The following AGAP1 variants were observed in gnomAD, a reference collection of about 807,000 sequenced individuals.
AGAP1 encodes the protein ArfGAP with GTPase domain, ankyrin repeat and PH domain 1.
AGAP1 carries 29 observed loss-of-function variants against 105.3 expected under a neutral mutation model. The observed-to-expected ratio is 0.28, with a 90% confidence interval of 0.21 to 0.38. The LOEUF is 0.38. AGAP1 is among the 10% of genes least tolerant of loss of function. The pLI is 1.00. For missense variants in AGAP1, 998 were observed against 1,165.1 expected (o/e 0.86, Z 2.09); for synonymous variants, 509 against 485.9 (o/e 1.05, Z -0.63).
chr2:235,852,805 T>G (rs781764474), intron 9 of AGAP1: 1 of 1,523,574 alleles, frequency 6.6e-7, no homozygotes. Flanking sequence ...GCCCGCATTG[T>G]GCTGAAGGCC....
chr2:235,573,835 ATG>A (rs1361007816), intron 1 of AGAP1, among the ~76,000 whole-genome samples: 1 of 152,098 alleles, frequency 6.6e-6, no homozygotes, highest in East Asian at 1.9e-4. Context: ...CTAAATCCAA[ATG>A]CTTGCCTCAC....
In AGAP1 at chr2:236,061,745, C is replaced by T. The variant is rs2058201499; in HGVS notation, c.2114+12464C>T. Among the ~76,000 whole-genome samples the T allele has an allele frequency of 6.6e-6, 1 of 151,982 alleles. No homozygotes were observed. Among genetic ancestry groups the T allele is most frequent in the African/African-American group, 2.4e-5 (1 of 41,338 alleles). ...GAGTGATTGCCTAATGAGTACGAAA[C>T]TTCTTTTGGAGACAACGAAAATGAT... On this transcript the variant is annotated intron_variant, in intron 16 of 17. Transcript: ENST00000304032. This position sits in a 1 kb window ranked among gnomAD's most constrained non-coding sequence, Gnocchi z 4.1.
At position 236,114,624 on chromosome 2, in the gene AGAP1, C is replaced by T. The variant is rs570566217; in HGVS notation, c.2115-5568C>T. Among the ~76,000 whole-genome samples, 2 of 152,276 alleles carry T rather than the reference C, an allele frequency of 1.3e-5. No homozygotes were observed. The highest frequency in any genetic ancestry group is 4.1e-4 in the South Asian group (2 of 4,826). ...GATGGTGCCTTCTCCCTGTGTCCTGCCTTTCCTCCGGGTGTGCTCAGAGGG... is the reference window on the plus strand; with the variant it reads ...GATGGTGCCTTCTCCCTGTGTCCTGTCTTTCCTCCGGGTGTGCTCAGAGGG... On this transcript the variant is annotated intron_variant, in intron 16 of 17. Transcript: ENST00000304032. The surrounding 1 kb of genome is among the most constrained non-coding windows in gnomAD (Gnocchi z 5.0).
chr2:235,922,695 C>G (rs763214824), intron 11 of AGAP1, among the ~76,000 whole-genome samples: 75 of 152,272 alleles, frequency 4.9e-4, no homozygotes, highest in Admixed American at 2.2e-3. Context: ...GGGATTCTGT[C>G]TTTGATGTCA....
At position 235,930,945 on chromosome 2, in the gene AGAP1, C is replaced by A. The variant is rs746469747; in HGVS notation, c.1483+22C>A. ...AGTGGTAAGAGGGGGCTCAGCCCCA[C>A]GGACCCGCAGCCACCTCAAGGTCCT... On this transcript the variant is annotated intron_variant, in intron 12 of 17. Transcript: ENST00000304032. The surrounding 1 kb of genome is among the most constrained non-coding windows in gnomAD (Gnocchi z 7.9). 1 of 1,609,618 alleles carries A rather than the reference C, an allele frequency of 6.2e-7. No homozygotes were observed. Among genetic ancestry groups the A allele is most frequent in the Non-Finnish European group, 8.5e-7 (1 of 1,177,756 alleles).
At position 235,608,722 on chromosome 2, in the gene AGAP1, TCTC is replaced by T. The variant is rs1484823489; in HGVS notation, c.164-100454_164-100452del. ...TGGCCTCCAACCAAAAAATTGTTCTTCTCCTTCCTTTTTTAGTAGGGGAGAGAG... is the reference window on the plus strand; with the variant it reads ...TGGCCTCCAACCAAAAAATTGTTCTTCTTCCTTTTTTAGTAGGGGAGAGAG... On this transcript the variant is annotated intron_variant, in intron 1 of 17. Coordinates refer to ENST00000304032, the MANE Select transcript of AGAP1 (RefSeq NM_001037131.3). This position sits in a 1 kb window ranked among gnomAD's most constrained non-coding sequence, Gnocchi z 5.4. 6.6e-6 allele frequency among the ~76,000 whole-genome samples: 1 copy of T among 152,172 alleles called. No individual in the cohort carries two copies. The highest frequency in any genetic ancestry group is 2.4e-5 in the African/African-American group (1 of 41,440).
Position 235,963,115 on chromosome 2 carries a change from C to G in AGAP1, c.1484-5347C>G, listed in dbSNP as rs768656123. Among the ~76,000 whole-genome samples the G allele has an allele frequency of 2.0e-5, 3 of 152,180 alleles. No individual in the cohort carries two copies. The highest frequency in any genetic ancestry group is 6.5e-5 in the Admixed American group (1 of 15,286). On this transcript the variant is annotated intron_variant, in intron 12 of 17. Coordinates refer to ENST00000304032, the MANE Select transcript of AGAP1 (RefSeq NM_001037131.3). The surrounding 1 kb of genome is among the most constrained non-coding windows in gnomAD (Gnocchi z 5.1). ...GGGTGGTGGTATTTCCAAGTGCTGT[C>G]TCCTTCCCAAGACTGCCACTTAGCT...
intron 3 of AGAP1, among the ~76,000 whole-genome samples, chr2:235,727,601 GT>G (rs755730819): frequency 2.6e-5 from 4 of 152,168 alleles, no homozygotes; most frequent in Non-Finnish European, 4.4e-5. Flanking sequence ...GTTATACATT[GT>G]TTGGATCTTA....
chr2:235,859,798 T>C (rs2048848883), intron 9 of AGAP1, among the ~76,000 whole-genome samples: 1 of 152,150 alleles, frequency 6.6e-6, no homozygotes, highest in African/African-American at 2.4e-5. Context: ...CTGTGTACAG[T>C]TCAAAAGGCT....
In AGAP1 at chr2:235,908,628, G is replaced by T; in HGVS notation, c.1156-110G>T. ...GATTTTTAAAGTACTTTCCACAGTG[G>T]AAGGGTCATAGGGTTTTAACTCATG... On this transcript the variant is annotated intron_variant, in intron 10 of 17. Coordinates refer to ENST00000304032, the MANE Select transcript of AGAP1 (RefSeq NM_001037131.3). This position sits in a 1 kb window ranked among gnomAD's most constrained non-coding sequence, Gnocchi z 4.4. 1.1e-6 allele frequency: 1 copy of T among 945,552 alleles called. No individual in the cohort carries two copies. Among genetic ancestry groups the T allele is most frequent in the Non-Finnish European group, 1.6e-6 (1 of 641,748 alleles). 58.6% of individuals were successfully genotyped at this position (945,552 alleles called of 1,614,324 possible). A position where few individuals can be genotyped will look rare whatever the true frequency, so the allele number is the denominator to read the frequency against.
chr2:235,543,271 T>G (rs1244975533), intron 1 of AGAP1, among the ~76,000 whole-genome samples: 1 of 151,900 alleles, frequency 6.6e-6, no homozygotes, highest in Non-Finnish European at 1.5e-5. Context: ...GAGTGGGGGC[T>G]TGACTGAGCC....
At chr2:236,021,936 G>A (rs560672307) in intron 13 of AGAP1, among the ~76,000 whole-genome samples, 1 of 151,654 alleles carries the variant, frequency 6.6e-6, no homozygotes, top group East Asian at 1.9e-4. Context: ...GCGCATGCCT[G>A]TAGTCCCAGC....
Position 236,073,043 on chromosome 2 carries a change from T to C in AGAP1, c.2114+23762T>C, listed in dbSNP as rs2125804483. Among the ~76,000 whole-genome samples the C allele has an allele frequency of 1.3e-5, 2 of 152,202 alleles. No homozygotes were observed. The highest frequency in any genetic ancestry group is 4.1e-4 in the South Asian group (2 of 4,820). ...AGACAGTCTCGCTGTGTCTCCAGGC[T>C]GGAGTGCAGTGGTGCAATCTCAGCT... On this transcript the variant is annotated intron_variant, in intron 16 of 17. Coordinates refer to ENST00000304032, the MANE Select transcript of AGAP1 (RefSeq NM_001037131.3). The surrounding 1 kb of genome is among the most constrained non-coding windows in gnomAD (Gnocchi z 5.4).
chr2:235,943,707 G>A (rs935101304), intron 12 of AGAP1, among the ~76,000 whole-genome samples: 7 of 152,138 alleles, frequency 4.6e-5, no homozygotes, highest in African/African-American at 1.7e-4. Context: ...ATGAGTGTTG[G>A]AGAAGAGTGG....
Position 235,957,064 on chromosome 2 carries a change from T to C in AGAP1, c.1484-11398T>C, listed in dbSNP as rs1411512850. The stretch of plus-strand genomic sequence containing the variant: ...CATTTAACAGGTGCAATGCAGTAGT[T>C]TTTAGTATCTCACAGATACCTGCAA... On this transcript the variant is annotated intron_variant, in intron 12 of 17. Transcript: ENST00000304032. The surrounding 1 kb of genome is among the most constrained non-coding windows in gnomAD (Gnocchi z 4.6). Among the ~76,000 whole-genome samples, 1 of 152,224 alleles carries C rather than the reference T, an allele frequency of 6.6e-6. No homozygotes were observed. Among genetic ancestry groups the C allele is most frequent in the Non-Finnish European group, 1.5e-5 (1 of 68,046 alleles).
At chr2:235,572,988 CTTCT>C (rs1944585306) in intron 1 of AGAP1, among the ~76,000 whole-genome samples, 4 of 23,828 alleles carry the variant, frequency 1.7e-4, no homozygotes, top group Admixed American at 1.2e-3. Context: ...TCTTCTTCTT[CTTCT>C]TCTTCTTCTT....
At chr2:236,064,151 A>G (rs888116974) in intron 16 of AGAP1, among the ~76,000 whole-genome samples, 3 of 152,332 alleles carry the variant, frequency 2.0e-5, no homozygotes, top group East Asian at 1.9e-4. Context: ...TAACCCAGTG[A>G]CTTGGACCAA....
In AGAP1 at chr2:235,864,289, C is replaced by T. The variant is rs1487306439; in HGVS notation, c.1051-19056C>T. On this transcript the variant is annotated intron_variant, in intron 9 of 17. Coordinates refer to ENST00000304032, the MANE Select transcript of AGAP1 (RefSeq NM_001037131.3). The surrounding 1 kb of genome is among the most constrained non-coding windows in gnomAD (Gnocchi z 5.0). The stretch of plus-strand genomic sequence containing the variant: ...CTGCATTTTCGCAGAATGCCCCCAT[C>T]ATGTGAAGGGGTTCGGCTCACTCTG... Among the ~76,000 whole-genome samples, 1 of 152,240 alleles carries T rather than the reference C, an allele frequency of 6.6e-6. No individual in the cohort carries two copies. The highest frequency in any genetic ancestry group is 2.4e-5 in the African/African-American group (1 of 41,458).
rs186113318 is a variant in AGAP1 at position 236,105,631 on chromosome 2, C to T, written c.2115-14561C>T. Among the ~76,000 whole-genome samples, 4 of 146,508 alleles carry T rather than the reference C, an allele frequency of 2.7e-5. No individual in the cohort carries two copies. The highest frequency in any genetic ancestry group is 6.0e-5 in the Non-Finnish European group (4 of 66,814). ...AGTGCAGTGGCGTGAACTCGGCTCA[C>T]TGCAACCTCCGCCTCCCGGGTTCAC... On this transcript the variant is annotated intron_variant, in intron 16 of 17. Coordinates refer to ENST00000304032, the MANE Select transcript of AGAP1 (RefSeq NM_001037131.3). The surrounding 1 kb of genome is among the most constrained non-coding windows in gnomAD (Gnocchi z 4.2).
Sources: allele counts gnomAD v4.1 joint callset (sites outside exome capture counted in the v4.1 genomes callset), GRCh38; gene constraint gnomAD v4.1.1; non-coding constraint Gnocchi (gnomAD v3.1); transcripts MANE v1.5; gene names NCBI Gene and HGNC (gene_info 2026-07-23, HGNC 2026-07-21).